MYO10: variants seen among roughly 807,000 people sequenced by gnomAD.
The protein encoded by MYO10 is unconventional myosin-X.
A neutral mutation model predicts 257.3 loss-of-function variants in MYO10; 133 were observed. The observed-to-expected ratio is 0.52, with a 90% CI of 0.45 to 0.60. The LOEUF (loss-of-function observed/expected upper bound fraction) is 0.60. Ranked by LOEUF, MYO10 falls within the 20% of genes least tolerant of loss-of-function variation. The pLI is 0.00. For missense variants in MYO10, 2,399 were observed against 2,635.7 expected, an observed-to-expected ratio of 0.91 and a Z score of 1.97; for synonymous variants, 1,104 against 1,028.6, an observed-to-expected ratio of 1.07 and a Z score of -1.40.
chr5:16,784,700 G>A (rs895663634), intron 4 of MYO10, among the ~76,000 whole-genome samples: 2 of 152,242 alleles, frequency 1.3e-5, no homozygotes, highest in Non-Finnish European at 2.9e-5. Context: ...ATGGGCAGAT[G>A]AGCCCCTTTT....
intron 21 of MYO10, among the ~76,000 whole-genome samples, chr5:16,709,201 G>A (rs899684412): frequency 2.0e-5 from 3 of 152,186 alleles, no homozygotes; most frequent in Non-Finnish European, 4.4e-5. Flanking sequence ...TGTCAAAAAA[G>A]GAGTCCTTTC....
Position 16,701,374 on chromosome 5 carries a change from G to A in MYO10, c.3021C>T (p.Ser1007=). The change falls in exon 25 of 41, where the codon TCC becomes TCT. Residue 1007 remains serine (S), a synonymous_variant. Coordinates refer to ENST00000513610, the MANE Select transcript of MYO10 (RefSeq NM_012334.3). The surrounding 1 kb of genome is among the most constrained non-coding windows in gnomAD (Gnocchi z 8.1). ...FEADDDAFKD[S]PNPSEHGHSD... is the part of the protein sequence containing the mutation. ...AGTGGCCGTGCTCGCTGGGGTTGGG[G>A]GAGTCCTTGAAGGCGTCGTCGTCGG... is the stretch of plus-strand genomic sequence containing the variant. 2 of 1,613,990 alleles carry A rather than the reference G, an allele frequency of 1.2e-6. No homozygotes were observed. Among genetic ancestry groups the A allele is most frequent in the Non-Finnish European group, 1.7e-6 (2 of 1,179,884 alleles).
At chr5:16,720,178 G>A (rs1473557781) in intron 19 of MYO10, among the ~76,000 whole-genome samples, 2 of 152,106 alleles carry the variant, frequency 1.3e-5, no homozygotes, top group African/African-American at 4.8e-5. Flanking sequence ...AAATGGTAGA[G>A]AGCCCGAGAT....
chr5:16,732,242 G>C (rs1354175983), intron 19 of MYO10, among the ~76,000 whole-genome samples: 1 of 152,114 alleles, frequency 6.6e-6, no homozygotes, highest in African/African-American at 2.4e-5. Context: ...GAGGGCAGGA[G>C]GGAAGGAAGG....
chr5:16,790,525 T>C (rs1278020262), intron 4 of MYO10, among the ~76,000 whole-genome samples: 2 of 151,074 alleles, frequency 1.3e-5, no homozygotes, highest in Non-Finnish European at 3.0e-5. Flanking sequence ...GTTCTCGCAG[T>C]AGTGAGTGGG....
chr5:16,799,181 G>A (rs1742048709), intron 3 of MYO10, among the ~76,000 whole-genome samples: 1 of 140,612 alleles, frequency 7.1e-6, no homozygotes, highest in Non-Finnish European at 1.6e-5. Flanking sequence ...CCTGGTTGGG[G>A]AACCTCACTA....
chr5:16,920,835 A>T (rs13178371), intron 1 of MYO10, among the ~76,000 whole-genome samples: 10,584 of 152,172 alleles, frequency 0.07, 435 homozygotes, highest in African/African-American at 0.11. Context: ...ATACCAGAAT[A>T]GGCCGGGTGC....
chr5:16,838,108 A>G (rs1743367398), intron 2 of MYO10, among the ~76,000 whole-genome samples: 1 of 152,148 alleles, frequency 6.6e-6, no homozygotes, highest in African/African-American at 2.4e-5. Flanking sequence ...AATTGGGCCA[A>G]TGAAATAACC....
At chr5:16,901,204 G>A (rs56997603) in intron 1 of MYO10, among the ~76,000 whole-genome samples, 33,821 of 151,928 alleles carry the variant, frequency 0.22, 4,956 homozygotes, top group African/African-American at 0.4. Context: ...TGCTTTGCCA[G>A]CAACACCAAT....
chr5:16,712,954 G>GT (rs1220772064), intron 19 of MYO10, among the ~76,000 whole-genome samples: 2 of 152,168 alleles, frequency 1.3e-5, no homozygotes, highest in Non-Finnish European at 1.5e-5. Flanking sequence ...AAAAATGCGG[G>GT]TTGGGGGGTG....
intron 1 of MYO10, among the ~76,000 whole-genome samples, chr5:16,920,290 T>C (rs780470262): frequency 1.3e-5 from 2 of 151,598 alleles, no homozygotes; most frequent in Non-Finnish European, 2.9e-5. Context: ...GCAAATAAGA[T>C]AAACAAAATA....
chr5:16,680,176 T>G (rs573994941), intron 32 of MYO10, 72 bp from the exon 33 acceptor site: 1 of 1,513,890 alleles, frequency 6.6e-7, no homozygotes, highest in African/African-American at 1.4e-5. Flanking sequence ...GCCTGTGTCC[T>G]CTCTGACCTC....
intron 26 of MYO10, 137 bp from the exon 27 acceptor site, chr5:16,694,751 G>T: frequency 8.8e-7 from 1 of 1,131,202 alleles, no homozygotes; most frequent in Non-Finnish European, 1.3e-6. Context: ...AGACCCCTCA[G>T]TGAGGAGTGG....
At chr5:16,683,693 G>C (rs1173256942) in intron 30 of MYO10, among the ~76,000 whole-genome samples, 187 bp downstream of exon 30, 1 of 152,188 alleles carries the variant, frequency 6.6e-6, no homozygotes, top group Non-Finnish European at 1.5e-5. Context: ...CAGAGAAGGA[G>C]ACTTCCAGGT....
chr5:16,740,912 T>C (rs1417971411), intron 19 of MYO10, among the ~76,000 whole-genome samples: 1 of 151,862 alleles, frequency 6.6e-6, no homozygotes, highest in Non-Finnish European at 1.5e-5. Context: ...AACATTCTCA[T>C]ACTTGGTTTT....
intron 30 of MYO10, among the ~76,000 whole-genome samples, chr5:16,683,344 T>C (rs1376751271): frequency 3.3e-5 from 5 of 152,166 alleles, no homozygotes; most frequent in African/African-American, 1.2e-4. Context: ...TGAAGTTCAC[T>C]GGGCACAAAG....
intron 2 of MYO10, among the ~76,000 whole-genome samples, chr5:16,845,694 G>A (rs1580067283): frequency 1.3e-5 from 2 of 152,028 alleles, no homozygotes; most frequent in South Asian, 2.1e-4. Context: ...AGCTGGGCAC[G>A]GTGGCTCACA....
chr5:16,818,427 C>CGTATATATATGTATATATGT (rs1561000965), intron 2 of MYO10, among the ~76,000 whole-genome samples: 3 of 139,056 alleles, frequency 2.2e-5, no homozygotes, highest in African/African-American at 8.6e-5. Context: ...TATATATATA[C>CGTATATATATGTATATATGT]ACATATCTTT....
chr5:16,799,760 C>G (rs1742067170), intron 3 of MYO10, among the ~76,000 whole-genome samples: 1 of 152,176 alleles, frequency 6.6e-6, no homozygotes, highest in South Asian at 2.1e-4. Context: ...TCCCAAAGTG[C>G]TGGGATTACA....
Sources: gnomAD v4.1 joint callset for allele counts (sites outside exome capture counted in the v4.1 genomes callset) on GRCh38, gnomAD v4.1.1 for gene constraint, Gnocchi (gnomAD v3.1) non-coding constraint, MANE v1.5 for transcripts, NCBI Gene and HGNC (gene_info 2026-07-23, HGNC 2026-07-21) for gene names.